The following DYTN variants were observed in gnomAD, a reference collection of about 807,000 sequenced individuals.
The protein encoded by DYTN is dystrotelin.
A neutral mutation model predicts 69.6 loss-of-function variants in DYTN; 75 were observed. That is an observed-to-expected ratio of 1.08 (90% CI 0.89 to 1.31). DYTN has a LOEUF of 1.31. Among genes scored for constraint, DYTN ranks in the 50% most tolerant of loss-of-function variants. DYTN has a pLI of 0.00. For missense variants in DYTN, 726 were observed against 688.4 expected, an observed-to-expected ratio of 1.05 and a Z score of -0.61; for synonymous variants, 252 against 249.1, an observed-to-expected ratio of 1.01 and a Z score of -0.11.
At chr2:206,699,987 T>C (rs907272724) in intron 6 of DYTN, 97 bp from the exon 7 acceptor site, 2 of 1,544,046 alleles carry the variant, frequency 1.3e-6, no homozygotes, top group Non-Finnish European at 1.8e-6. Flanking sequence ...GCTGAAGAAG[T>C]TTATCATAGG....
At chr2:206,707,161 G>A (rs1700035239) in intron 3 of DYTN, 141 bp downstream of exon 3, 2 of 1,025,588 alleles carry the variant, frequency 2.0e-6, no homozygotes, top group Admixed American at 2.6e-5. Flanking sequence ...CTACTCCTGA[G>A]GAATAAATTT....
chr2:206,662,864 C>T, intron 11 of DYTN, 39 bp downstream of exon 11: 1 of 1,569,650 alleles, frequency 6.4e-7, no homozygotes, highest in Non-Finnish European at 8.6e-7. Flanking sequence ...AGCTTGAATC[C>T]TTGGCCATCA....
intron 5 of DYTN, among the ~76,000 whole-genome samples, chr2:206,702,059 G>A (rs78496366): frequency 6.6e-6 from 1 of 152,182 alleles, no homozygotes; most frequent in Admixed American, 6.5e-5. Flanking sequence ...TTTCCATGAA[G>A]CTTTATCACA....
intron 2 of DYTN, among the ~76,000 whole-genome samples, chr2:206,709,288 A>G (rs1451088267): frequency 6.6e-6 from 1 of 152,048 alleles, no homozygotes; most frequent in African/African-American, 2.4e-5. Flanking sequence ...TCTCTACTAA[A>G]AATACAAAAA....
intron 11 of DYTN, among the ~76,000 whole-genome samples, chr2:206,655,851 T>G (rs1347977453): frequency 6.6e-6 from 1 of 152,228 alleles, no homozygotes; most frequent in Non-Finnish European, 1.5e-5. Flanking sequence ...GAAAAGATAT[T>G]TGGCATGATT....
chr2:206,700,044 C>T lies in DYTN; in HGVS notation c.555+101G>A, dbSNP rs779271879. ...CTCCTAAATTCAGTTATCTGAGATGCTATGTGGAGTAATAATAGGTCTGTA... is the reference window on the plus strand; with the variant it reads ...CTCCTAAATTCAGTTATCTGAGATGTTATGTGGAGTAATAATAGGTCTGTA... On this transcript the variant is annotated intron_variant, in intron 6 of 11. Transcript: ENST00000452335. The T allele has an allele frequency of 3.8e-6, 6 of 1,559,210 alleles. No individual in the cohort carries two copies. The East Asian group carries it at 9.1e-5, about 24-fold the overall frequency.
Position 206,665,504 on chromosome 2 carries a change from A to G in DYTN, c.1140+366T>C, listed in dbSNP as rs989684179. Among the ~76,000 whole-genome samples the G allele has an allele frequency of 5.5e-4, 84 of 151,608 alleles. 2 individuals are homozygous for G. Among genetic ancestry groups the G allele is most frequent in the Non-Finnish European group, 1.3e-4 (9 of 67,948 alleles). On this transcript the variant is annotated intron_variant, in intron 10 of 11. Transcript: ENST00000452335. ...TCATTTTGTTTCTGTGGTTATATCT[A>G]TAACAACAGATATTGATGCAAAAAG...
intron 5 of DYTN, among the ~76,000 whole-genome samples, chr2:206,702,210 C>T (rs890348124): frequency 3.7e-4 from 56 of 152,246 alleles, no homozygotes; most frequent in African/African-American, 1.3e-3. Context: ...AGGGACTTGG[C>T]TCTGACATCA....
intron 9 of DYTN, among the ~76,000 whole-genome samples, chr2:206,687,899 C>A (rs1699829109): frequency 6.6e-6 from 1 of 152,118 alleles, no homozygotes; most frequent in Admixed American, 6.5e-5. Flanking sequence ...GTGTTAATAT[C>A]TGTTGTATTA....
At position 206,707,516 on chromosome 2, in the gene DYTN, A is replaced by G; in HGVS notation, c.95-13T>C. 6.3e-7 allele frequency: 1 copy of G among 1,599,690 alleles called. No individual in the cohort carries two copies. The highest frequency in any genetic ancestry group is 2.3e-5 in the East Asian group (1 of 44,416). On this transcript the variant is annotated splice_polypyrimidine_tract_variant and intron_variant, in intron 2 of 11. Transcript: ENST00000452335. ...TCAATCAAGTCCACTGTAGGAAGCA[A>G]ATGAAGAATTGAGCCTTATTTTCTG...
chr2:206,681,809 T>G (rs1020941558), intron 9 of DYTN, among the ~76,000 whole-genome samples: 5 of 152,220 alleles, frequency 3.3e-5, no homozygotes, highest in African/African-American at 2.4e-5. Flanking sequence ...TGCATCAATG[T>G]TCATCAGGGA....
intron 5 of DYTN, among the ~76,000 whole-genome samples, chr2:206,704,475 G>T (rs1700005663): frequency 6.6e-6 from 1 of 152,096 alleles, no homozygotes. Flanking sequence ...AGAGACTATT[G>T]GATATGTTTT....
At chr2:206,700,280 C>T in intron 5 of DYTN, 64 bp from the exon 6 acceptor site, 2 of 1,587,090 alleles carry the variant, frequency 1.3e-6, no homozygotes, top group Non-Finnish European at 1.7e-6. Flanking sequence ...CCGGGAGCAG[C>T]AGGGCTGAGA....
chr2:206,697,511 T>G (rs995529741), intron 7 of DYTN, among the ~76,000 whole-genome samples: 1 of 152,232 alleles, frequency 6.6e-6, no homozygotes, highest in African/African-American at 2.4e-5. Context: ...AGCTACTGGT[T>G]GAGTTTTTTG....
At chr2:206,709,846 A>G (rs546452804) in intron 2 of DYTN, among the ~76,000 whole-genome samples, 1 of 152,342 alleles carries the variant, frequency 6.6e-6, no homozygotes, top group South Asian at 2.1e-4. Context: ...TGTGTTTCAT[A>G]GCTTGGACCC....
At chr2:206,695,650 C>T (rs1468398277) in intron 7 of DYTN, among the ~76,000 whole-genome samples, 2 of 152,186 alleles carry the variant, frequency 1.3e-5, no homozygotes, top group African/African-American at 2.4e-5. Flanking sequence ...ACCTAGCAGT[C>T]ATCAGTTAGT....
Position 206,666,016 on chromosome 2 carries a change from G to GT in DYTN, c.993dup (p.Gln332ThrfsTer24), listed in dbSNP as rs1559306180. On this transcript the variant is annotated frameshift_variant, in exon 10 of 12. Transcript: ENST00000452335. LOFTEE classifies it high-confidence loss of function. ...AACTTGTCTTTGTATTGGTTTAACT[G>GT]TTTTTTAAGGAGCCTGAAAAGAGAA... 3 of 1,613,678 alleles carry GT rather than the reference G, an allele frequency of 1.9e-6. No homozygotes were observed. The highest frequency in any genetic ancestry group is 1.7e-5 in the Admixed American group (1 of 59,950).
chr2:206,718,083 A>G (rs1192972381), intron 1 of DYTN, among the ~76,000 whole-genome samples, 178 bp downstream of exon 1: 1 of 152,216 alleles, frequency 6.6e-6, no homozygotes, highest in Admixed American at 6.5e-5. Context: ...TCTTCAGTAC[A>G]TGGTGGATTT....
At chr2:206,675,431 T>C (rs1699675285) in intron 9 of DYTN, among the ~76,000 whole-genome samples, 1 of 151,356 alleles carries the variant, frequency 6.6e-6, no homozygotes, top group Admixed American at 6.6e-5. Context: ...TCAGAAAAGT[T>C]TCTCTTTTCA....
Sources: gnomAD v4.1 joint callset for allele counts (sites outside exome capture counted in the v4.1 genomes callset) on GRCh38, gnomAD v4.1.1 for gene constraint, MANE v1.5 for transcripts, NCBI Gene and HGNC (gene_info 2026-07-23, HGNC 2026-07-21) for gene names.